The following CERS3 variants were observed in gnomAD, a reference collection of about 807,000 sequenced individuals.
CERS3 encodes the protein ceramide synthase 3.
In CERS3, 33 loss-of-function variants were observed where a neutral mutation model predicts 50.3. That is an observed-to-expected ratio of 0.66 (90% confidence interval 0.50 to 0.88). CERS3 has a LOEUF of 0.88. Among genes scored for constraint, CERS3 ranks in the 40% least tolerant of loss-of-function variants. CERS3 has a pLI of 0.00. For synonymous variants in CERS3, 176 were observed against 155.2 expected (o/e 1.13, Z -0.99); for missense variants, 470 against 460.3 (o/e 1.02, Z -0.19).
At chr15:100,482,784 C>T (rs573188761) in intron 5 of CERS3, among the ~76,000 whole-genome samples, 7 of 152,162 alleles carry the variant, frequency 4.6e-5, no homozygotes, top group African/African-American at 1.4e-4. Context: ...ATTTTAGGAG[C>T]TGGGGTTAAG....
chr15:100,541,329 G>A (rs112174886), intron 1 of CERS3, among the ~76,000 whole-genome samples: 2,555 of 152,236 alleles, frequency 0.017, 80 homozygotes, highest in African/African-American at 0.059. Flanking sequence ...AAAATTAGCC[G>A]GGCGTGATGG....
intron 3 of CERS3, among the ~76,000 whole-genome samples, chr15:100,496,366 T>C (rs963687841): frequency 3.9e-5 from 6 of 152,204 alleles, no homozygotes; most frequent in Admixed American, 2.6e-4. Flanking sequence ...AAGGAACCAC[T>C]GATATACATA....
intron 2 of CERS3, among the ~76,000 whole-genome samples, chr15:100,504,800 T>C (rs561458279): frequency 7.2e-5 from 11 of 152,288 alleles, no homozygotes; most frequent in Admixed American, 2.0e-4. Context: ...TGATCAACTT[T>C]CATGGTTAGT....
intron 11 of CERS3, among the ~76,000 whole-genome samples, chr15:100,422,852 G>A (rs112371441): frequency 0.36 from 50,969 of 140,230 alleles, 9,572 homozygotes; most frequent in East Asian, 0.55. Context: ...ACCAAACACC[G>A]CATATTCTCA....
intron 9 of CERS3, among the ~76,000 whole-genome samples, chr15:100,471,841 C>T (rs1355163006): frequency 6.6e-6 from 1 of 152,168 alleles, no homozygotes; most frequent in Non-Finnish European, 1.5e-5. Flanking sequence ...GAAATGGCTG[C>T]AAGTGACTTC....
chr15:100,487,311 CT>C (rs1390617508), intron 4 of CERS3, among the ~76,000 whole-genome samples: 2 of 152,154 alleles, frequency 1.3e-5, no homozygotes, highest in African/African-American at 4.8e-5. Context: ...AATAGCTGAC[CT>C]TTACTGAGCA....
At position 100,484,671 on chromosome 15, in the gene CERS3, G is replaced by A; in HGVS notation, c.289-3C>T. The A allele has an allele frequency of 6.3e-7, 1 of 1,587,224 alleles. No homozygotes were observed. On this transcript the variant is annotated splice_polypyrimidine_tract_variant and splice_region_variant and intron_variant, in intron 4 of 11. Coordinates refer to ENST00000679737, the MANE Select transcript of CERS3 (RefSeq NM_001378789.1). ...TTTGCCAGTCCATAAATATCAGTCT[G>A]AAAAGGGATGAAACGCATAAATGAG...
At chr15:100,500,371 T>C (rs1166692087) in intron 3 of CERS3, 2 of 152,214 alleles carry the variant, frequency 1.3e-5, no homozygotes, top group East Asian at 1.9e-4. Context: ...CTGATTGTTG[T>C]TGGAGAGGCC....
At chr15:100,515,160 G>A (rs1454959141) in intron 2 of CERS3, among the ~76,000 whole-genome samples, 1 of 152,120 alleles carries the variant, frequency 6.6e-6, no homozygotes, top group Non-Finnish European at 1.5e-5. Context: ...AAAGCTAATG[G>A]CTTGACACAG....
chr15:100,404,618 A>G (rs1317936223), intron 11 of CERS3, among the ~76,000 whole-genome samples: 2 of 152,212 alleles, frequency 1.3e-5, no homozygotes, highest in Non-Finnish European at 2.9e-5. Context: ...GATGCAGACA[A>G]TGTAATTCTA....
intron 11 of CERS3, among the ~76,000 whole-genome samples, chr15:100,417,435 C>A (rs894622425): frequency 2.6e-5 from 4 of 152,102 alleles, no homozygotes; most frequent in African/African-American, 9.7e-5. Context: ...GGTCCTACCC[C>A]ACGGAGTCTC....
chr15:100,532,407 T>C (rs2036958767), upstream of CERS3, among the ~76,000 whole-genome samples: 1 of 152,172 alleles, frequency 6.6e-6, no homozygotes, highest in African/African-American at 2.4e-5. Flanking sequence ...CTTCTCATGT[T>C]TTATCTTATC....
In CERS3 at chr15:100,476,072, A is replaced by G; in HGVS notation, c.609+14T>C. On this transcript the variant is annotated intron_variant, in intron 8 of 11. Transcript: ENST00000679737. ...AAGAAATTGATAAAGAAGCTTTGTA[A>G]ATAAGACACTTACCTTTCTCTTGAC... 1 of 1,518,238 alleles carries G rather than the reference A, an allele frequency of 6.6e-7. No homozygotes were observed. Among genetic ancestry groups the G allele is most frequent in the Non-Finnish European group, 8.8e-7 (1 of 1,130,594 alleles). 94.0% of individuals were successfully genotyped at this position (1,518,238 alleles called of 1,614,324 possible).
At chr15:100,449,285 C>T (rs897188434) in intron 11 of CERS3, among the ~76,000 whole-genome samples, 2 of 152,212 alleles carry the variant, frequency 1.3e-5, no homozygotes, top group Non-Finnish European at 2.9e-5. Context: ...TATCCCATTG[C>T]AGCCACTGCC....
At chr15:100,439,062 C>A (rs1304869082) in intron 11 of CERS3, among the ~76,000 whole-genome samples, 1 of 152,110 alleles carries the variant, frequency 6.6e-6, no homozygotes, top group Non-Finnish European at 1.5e-5. Context: ...CAAAATCAAC[C>A]ATTTTATAGG....
chr15:100,429,568 C>T (rs776863524), intron 11 of CERS3, among the ~76,000 whole-genome samples: 39 of 152,088 alleles, frequency 2.6e-4, no homozygotes, highest in Non-Finnish European at 4.9e-4. Context: ...CTCCCTGGAG[C>T]GCCCACGCAT....
At chr15:100,453,222 C>A (rs572905092) in intron 11 of CERS3, among the ~76,000 whole-genome samples, 1 of 152,146 alleles carries the variant, frequency 6.6e-6, no homozygotes, top group South Asian at 2.1e-4. Flanking sequence ...GGTCAATATC[C>A]CTGATTAACA....
intron 3 of CERS3, among the ~76,000 whole-genome samples, chr15:100,499,380 C>CA (rs1375479062): frequency 2.0e-5 from 3 of 151,978 alleles, no homozygotes; most frequent in Non-Finnish European, 4.4e-5. Context: ...CACACAAAAA[C>CA]AAAAAACAAA....
chr15:100,476,115 A>G lies in CERS3; in HGVS notation c.580T>C (p.Phe194Leu). 1 of 1,577,344 alleles carries G rather than the reference A, an allele frequency of 6.3e-7. No homozygotes were observed. The highest frequency in any genetic ancestry group is 8.6e-7 in the Non-Finnish European group (1 of 1,166,750). The stretch of plus-strand genomic sequence containing the variant: ...CTCTTGACATCAAAGCCAAGTCTAA[A>G]TAACAGAGACCAATAAAAACTCATT... Reference protein sequence around the residue: ...LEMSFYWSLLFRLGFDVKRKD... With the variant: ...LEMSFYWSLLLRLGFDVKRKD... Residue 194 changes from phenylalanine (F) to leucine (L), a missense_variant, in exon 8 of 12, where the codon TTT becomes CTT. Physicochemically the swap from Phe to Leu is conservative, Grantham distance 22. Transcript: ENST00000679737.
Sources: gnomAD v4.1 joint callset for allele counts (sites outside exome capture counted in the v4.1 genomes callset) on GRCh38, gnomAD v4.1.1 for gene constraint, MANE v1.5 for transcripts, NCBI Gene and HGNC (gene_info 2026-07-23, HGNC 2026-07-21) for gene names.